Variants in STRADB observed in about 807,000 individuals in gnomAD.
The protein encoded by STRADB is STE20 related adaptor beta, also known as STE20-related kinase adapter protein beta.
In STRADB, 34 loss-of-function variants were observed where a neutral mutation model predicts 52.1. The ratio of observed to expected loss-of-function variants is 0.65; its 90% CI spans 0.50 to 0.87. The LOEUF (loss-of-function observed/expected upper bound fraction) is 0.87. Among genes scored for constraint, STRADB ranks in the 40% least tolerant of loss-of-function variants. STRADB has a pLI of 0.00. For synonymous variants in STRADB, 133 were observed against 174.5 expected (o/e 0.76, Z 1.87); for missense variants, 340 against 483.9 (o/e 0.70, Z 2.79).
intron 3 of STRADB, among the ~76,000 whole-genome samples, chr2:201,461,274 T>G (rs6435084): frequency 0.66 from 100,682 of 151,918 alleles, 33,561 homozygotes; most frequent in South Asian, 0.84. Context: ...CAGCAGCCTT[T>G]AACTCCTGGG....
chr2:201,471,744 C>G (rs1952392901), intron 4 of STRADB, among the ~76,000 whole-genome samples: 1 of 152,170 alleles, frequency 6.6e-6, no homozygotes. Context: ...TTACCTGTGT[C>G]TTTTTTAAAA....
chr2:201,458,372 A>G (rs532525689), intron 2 of STRADB, among the ~76,000 whole-genome samples: 8 of 152,360 alleles, frequency 5.3e-5, no homozygotes, highest in East Asian at 3.8e-4. Context: ...CATGGTTTCT[A>G]TACTTAAGAT....
Position 201,480,208 on chromosome 2 carries a change from G to A in STRADB, c.*33G>A, listed in dbSNP as rs746566576. Reference sequence around the variant, plus strand: ...AAATCATTTTATGTCCTATATACTTGACACTTTCTCCTTGCTGCTTTTTCT... The same window carrying A: ...AAATCATTTTATGTCCTATATACTTAACACTTTCTCCTTGCTGCTTTTTCT... On this transcript the variant is annotated 3_prime_UTR_variant, in exon 12 of 12. Coordinates refer to ENST00000194530, the MANE Select transcript of STRADB (RefSeq NM_018571.6). The A allele has an allele frequency of 3.7e-6, 6 of 1,603,020 alleles. No homozygotes were observed. The highest frequency in any genetic ancestry group is 5.1e-6 in the Non-Finnish European group (6 of 1,174,202).
At chr2:201,472,919 T>C in intron 4 of STRADB, 36 bp from the exon 5 acceptor site, 1 of 1,546,440 alleles carries the variant, frequency 6.5e-7, no homozygotes, top group Non-Finnish European at 8.7e-7. Context: ...TTTTTTCTTC[T>C]TTGGTTACTA....
chr2:201,457,721 TG>T (rs1952147875), intron 2 of STRADB, among the ~76,000 whole-genome samples: 2 of 152,124 alleles, frequency 1.3e-5, no homozygotes, highest in African/African-American at 4.8e-5. Context: ...ATAAGATGCT[TG>T]AAATGAAAAA....
intron 2 of STRADB, among the ~76,000 whole-genome samples, chr2:201,457,997 C>G (rs1034052873): frequency 2.0e-5 from 3 of 151,952 alleles, no homozygotes; most frequent in African/African-American, 7.3e-5. Flanking sequence ...GCACTCTAGC[C>G]TGGGTGACAG....
At chr2:201,476,757 T>C (rs1207794186) in intron 7 of STRADB, among the ~76,000 whole-genome samples, 1 of 151,184 alleles carries the variant, frequency 6.6e-6, no homozygotes, top group African/African-American at 2.4e-5. Context: ...TGCAGATCAC[T>C]TGAGGTCATG....
At chr2:201,474,577 G>A (rs192685188) in intron 5 of STRADB, 70 bp from the exon 6 acceptor site, 33 of 1,349,474 alleles carry the variant, frequency 2.4e-5, no homozygotes, top group Admixed American at 1.3e-4. Flanking sequence ...TAGCTGCCAC[G>A]ACCGCCATTT....
At chr2:201,467,345 T>TG (rs1453716950) in intron 3 of STRADB, among the ~76,000 whole-genome samples, 1 of 152,222 alleles carries the variant, frequency 6.6e-6, no homozygotes, top group African/African-American at 2.4e-5. Context: ...GCCTTCCAAT[T>TG]GCTGACCATT....
intron 10 of STRADB, chr2:201,479,077 GAAAA>G (rs879403956): frequency 6.5e-6 from 1 of 154,404 alleles, no homozygotes; most frequent in Non-Finnish European, 1.3e-5. Context: ...CATCTCAAAA[GAAAA>G]AAAAAAAATC....
chr2:201,455,225 AC>A (rs1952110006), intron 2 of STRADB, among the ~76,000 whole-genome samples: 1 of 152,146 alleles, frequency 6.6e-6, no homozygotes, highest in Admixed American at 6.6e-5. Flanking sequence ...ATTAAAAATA[AC>A]CCCTTTGACT....
At chr2:201,456,849 G>A (rs896589685) in intron 2 of STRADB, among the ~76,000 whole-genome samples, 1 of 152,194 alleles carries the variant, frequency 6.6e-6, no homozygotes, top group Admixed American at 6.5e-5. Context: ...CCAGGCACAA[G>A]CTTTCAAGAA....
intron 7 of STRADB, among the ~76,000 whole-genome samples, chr2:201,477,127 C>T (rs1243615357): frequency 9.2e-6 from 1 of 108,890 alleles, no homozygotes; most frequent in African/African-American, 3.6e-5. Context: ...TGCAGTGGTG[C>T]AATCTTGGCT....
chr2:201,470,824 T>C (rs1380590094), intron 4 of STRADB, among the ~76,000 whole-genome samples: 1 of 152,208 alleles, frequency 6.6e-6, no homozygotes, highest in Non-Finnish European at 1.5e-5. Context: ...GGTTTTGTTA[T>C]AGACAACATA....
In STRADB at chr2:201,480,391, A is replaced by T; in HGVS notation, c.*216A>T. ...TGACAAGGAAACATCAGAATTACTA[A>T]TCTAGCTAGTGTCATTTATTCTGGA... On this transcript the variant is annotated 3_prime_UTR_variant, in exon 12 of 12. Transcript: ENST00000194530. 7.5e-7 allele frequency: 1 copy of T among 1,332,868 alleles called. No individual in the cohort carries two copies. The highest frequency in any genetic ancestry group is 1.5e-5 in the African/African-American group (1 of 67,896). 82.6% of individuals were successfully genotyped at this position (1,332,868 alleles called of 1,614,324 possible).
intron 2 of STRADB, among the ~76,000 whole-genome samples, chr2:201,456,325 G>A (rs1952127053): frequency 6.6e-6 from 1 of 152,234 alleles, no homozygotes; most frequent in Non-Finnish European, 1.5e-5. Flanking sequence ...AGTTGGAAAA[G>A]ATGTGAAAGG....
intron 7 of STRADB, 144 bp downstream of exon 7, chr2:201,475,886 G>A (rs1046744647): frequency 9.5e-6 from 8 of 842,308 alleles, no homozygotes; most frequent in Admixed American, 2.9e-5. Flanking sequence ...GGACCATTAG[G>A]TGCAGTGGAT....
chr2:201,473,943 T>C (rs942327810), intron 5 of STRADB, among the ~76,000 whole-genome samples: 1 of 148,792 alleles, frequency 6.7e-6, no homozygotes, highest in Non-Finnish European at 1.5e-5. Context: ...CAGGCTGGAG[T>C]GCAGTGGCGC....
At chr2:201,466,982 A>G (rs548906280) in intron 3 of STRADB, among the ~76,000 whole-genome samples, 49 of 152,310 alleles carry the variant, frequency 3.2e-4, no homozygotes, top group Admixed American at 2.2e-3. Context: ...TCAGAGTGCT[A>G]TTCATTGGCT....
Sources: allele counts gnomAD v4.1 joint callset (sites outside exome capture counted in the v4.1 genomes callset), GRCh38; gene constraint gnomAD v4.1.1; transcripts MANE v1.5; gene names NCBI Gene and HGNC (gene_info 2026-07-23, HGNC 2026-07-21).